Variants in GORASP2 observed in about 807,000 individuals in gnomAD.
The protein encoded by GORASP2 is Golgi reassembly-stacking protein 2.
A neutral mutation model predicts 45.7 loss-of-function variants in GORASP2; 22 were observed. The observed-to-expected ratio is 0.48, with a 90% confidence interval of 0.34 to 0.69. The LOEUF is 0.69. Ranked by LOEUF, GORASP2 falls within the 30% of genes least tolerant of loss-of-function variation. The probability of loss-of-function intolerance (pLI) is 0.01; values close to 1 mark genes in which losing one functional copy is unlikely to be tolerated. For synonymous variants in GORASP2, 221 were observed against 215.6 expected, an observed-to-expected ratio of 1.02 and a Z score of -0.22; for missense variants, 491 against 562.7, an observed-to-expected ratio of 0.87 and a Z score of 1.29.
At chr2:170,948,185 G>A (rs1559311284) in intron 1 of GORASP2, among the ~76,000 whole-genome samples, 165 bp from the exon 2 acceptor site, 1 of 152,130 alleles carries the variant, frequency 6.6e-6, no homozygotes, top group Admixed American at 6.5e-5. Context: ...AGTTTAGGGA[G>A]CTGGACGGGC....
intron 1 of GORASP2, chr2:170,929,813 C>A: frequency 2.1e-6 from 1 of 471,472 alleles, no homozygotes; most frequent in Middle Eastern, 3.4e-4. Flanking sequence ...TTGCGCTTTC[C>A]TAGGAGAGGG....
chr2:170,930,498 A>G (rs1458076964), intron 1 of GORASP2, among the ~76,000 whole-genome samples: 1 of 152,182 alleles, frequency 6.6e-6, no homozygotes, highest in East Asian at 1.9e-4. Context: ...CCTGGGTCCC[A>G]TGTTTTAGGT....
At chr2:170,963,501 C>A (rs959677047) in intron 9 of GORASP2, among the ~76,000 whole-genome samples, 1 of 133,056 alleles carries the variant, frequency 7.5e-6, no homozygotes, top group Non-Finnish European at 1.6e-5. Flanking sequence ...CCCCCTCCCC[C>A]GCCCCAGAGT....
intron 1 of GORASP2, among the ~76,000 whole-genome samples, chr2:170,930,227 A>G (rs1703786142): frequency 1.3e-5 from 2 of 152,152 alleles, no homozygotes; most frequent in South Asian, 4.1e-4. Flanking sequence ...CTAAGCCCCT[A>G]CCTATGAACG....
rs1704270682 is a variant in GORASP2 at position 170,950,290 on chromosome 2, G to T, written c.435G>T (p.Glu145Asp). ...YIIGADTVMNESEDLFSLIET... is the reference protein window; with the variant it reads ...YIIGADTVMNDSEDLFSLIET... ...TTGGAGCAGATACAGTCATGAATGA[G>T]GTAATTCGTGTGTTTATTCATAGTG... The change falls in exon 4 of 10, where the codon GAG becomes GAT. Residue 145 changes from glutamate to aspartate, a missense_variant and splice_region_variant. This residue lies in a region of GORASP2 where 194 missense variants were observed against 270.4 expected (regional missense o/e 0.72). Coordinates refer to ENST00000234160, the MANE Select transcript of GORASP2 (RefSeq NM_015530.5). 6.9e-7 allele frequency: 1 copy of T among 1,452,326 alleles called. No individual in the cohort carries two copies. Among genetic ancestry groups the T allele is most frequent in the Non-Finnish European group, 9.5e-7 (1 of 1,053,976 alleles). 90.0% of individuals were successfully genotyped at this position (1,452,326 alleles called of 1,614,324 possible). A position where few individuals can be genotyped will look rare whatever the true frequency, so the allele number is the denominator to read the frequency against.
chr2:170,955,423 TAAGGA>T (rs1704402119), intron 6 of GORASP2, among the ~76,000 whole-genome samples: 1 of 152,188 alleles, frequency 6.6e-6, no homozygotes, highest in Admixed American at 6.5e-5. Context: ...TAAGACTTTT[TAAGGA>T]ATAAGAGATA....
intron 1 of GORASP2, among the ~76,000 whole-genome samples, chr2:170,935,114 A>G (rs142750812): frequency 1.2e-4 from 18 of 152,346 alleles, no homozygotes; most frequent in African/African-American, 4.3e-4. Flanking sequence ...AAATGTAGGA[A>G]TCAGGATGTC....
chr2:170,958,963 C>T (rs897706930), intron 7 of GORASP2, among the ~76,000 whole-genome samples: 10 of 151,864 alleles, frequency 6.6e-5, no homozygotes, highest in African/African-American at 2.2e-4. Context: ...AGCCACTGTG[C>T]CCGGCCCTTT....
chr2:170,937,612 G>A (rs769179082), intron 1 of GORASP2, among the ~76,000 whole-genome samples: 7 of 152,092 alleles, frequency 4.6e-5, no homozygotes, highest in African/African-American at 1.2e-4. Context: ...AAGAGTAGCC[G>A]TGGCAAAATA....
intron 1 of GORASP2, among the ~76,000 whole-genome samples, chr2:170,940,404 A>G (rs1297808428): frequency 6.6e-6 from 1 of 152,166 alleles, no homozygotes; most frequent in South Asian, 2.1e-4. Flanking sequence ...TTACTCTGCC[A>G]TTCCTCCCTC....
chr2:170,955,216 G>T (rs745508162), intron 6 of GORASP2, among the ~76,000 whole-genome samples: 12 of 152,164 alleles, frequency 7.9e-5, no homozygotes, highest in Non-Finnish European at 1.3e-4. Context: ...GGTGAAAGGA[G>T]TGAAAAAAAC....
chr2:170,954,781 A>C lies in GORASP2; in HGVS notation c.698A>C (p.Glu233Ala), dbSNP rs1001909175. 6.2e-7 allele frequency: 1 copy of C among 1,608,392 alleles called. No homozygotes were observed. The highest frequency in any genetic ancestry group is 1.3e-5 in the African/African-American group (1 of 74,824). ...PITPLKDGFT[E>A]VQLSSVNPPS... ...ACACCTCTTAAAGATGGGTTTACAG[A>C]GGTAAGATCACGTTCCTACCTGAGT... The change falls in exon 6 of 10, where the codon GAG (glutamate) becomes GCG (alanine). Residue 233 changes from glutamate to alanine, a missense_variant and splice_region_variant. Around this residue, in one of 2 missense-constraint regions of GORASP2, gnomAD observed 297 missense variants for 292.3 expected, o/e 1.02. Transcript: ENST00000234160.
chr2:170,933,544 T>C (rs1379206936), intron 1 of GORASP2, among the ~76,000 whole-genome samples: 8 of 152,222 alleles, frequency 5.3e-5, no homozygotes, highest in Non-Finnish European at 1.2e-4. Context: ...TATGTGCAGG[T>C]ACATTTGAGT....
intron 2 of GORASP2, among the ~76,000 whole-genome samples, chr2:170,948,978 C>T (rs1286565509): frequency 6.6e-6 from 1 of 152,140 alleles, no homozygotes; most frequent in Non-Finnish European, 1.5e-5. Flanking sequence ...ACAGTAGCCA[C>T]TTGGTTGGTT....
At chr2:170,930,723 C>T (rs1464295918) in intron 1 of GORASP2, among the ~76,000 whole-genome samples, 1 of 152,016 alleles carries the variant, frequency 6.6e-6, no homozygotes, top group Non-Finnish European at 1.5e-5. Context: ...CTTCTGCTAA[C>T]CAAACACCCA....
chr2:170,936,774 G>A (rs1703969432), intron 1 of GORASP2: 2 of 544,562 alleles, frequency 3.7e-6, no homozygotes, highest in African/African-American at 1.9e-5. Context: ...GCAACATAAT[G>A]AGATCCGGTC....
intron 7 of GORASP2, among the ~76,000 whole-genome samples, chr2:170,959,251 C>G (rs749775940): frequency 1.3e-5 from 2 of 151,574 alleles, no homozygotes; most frequent in Non-Finnish European, 2.9e-5. Flanking sequence ...CATGAGCCAT[C>G]GTGCCCGGCC....
intron 1 of GORASP2, among the ~76,000 whole-genome samples, chr2:170,943,843 T>C (rs975429167): frequency 1.3e-5 from 2 of 152,086 alleles, no homozygotes; most frequent in African/African-American, 4.8e-5. Context: ...TGGCTAATTT[T>C]TTAAAAAATT....
chr2:170,965,907 G>A lies in GORASP2; in HGVS notation c.1136G>A (p.Ser379Asn). 3.1e-6 allele frequency: 5 copies of A among 1,613,510 alleles called. No homozygotes were observed. The South Asian group carries it at 4.4e-5, about 14-fold the overall frequency. Residue 379 changes from serine to asparagine, a missense_variant, in exon 10 of 10, where the codon AGC becomes AAC. Ser to Asn is a conservative substitution (Grantham distance 46, BLOSUM62 1). Around this residue, in one of 2 missense-constraint regions of GORASP2, gnomAD observed 297 missense variants for 292.3 expected, o/e 1.02. Transcript: ENST00000234160. ...GTTCCAGAGAGCTCTTCTGCAGCAA[G>A]CTCAGGAGAGCTGCTGTCTTCCCTC... Reference protein sequence around the residue: ...PLVPESSSAASSGELLSSLPP... With the variant: ...PLVPESSSAANSGELLSSLPP...
Sources: gnomAD v4.1 joint callset for allele counts (sites outside exome capture counted in the v4.1 genomes callset) on GRCh38, gnomAD v4.1.1 for gene constraint, gnomAD v4.1.1 regional missense constraint, MANE v1.5 for transcripts, NCBI Gene and HGNC (gene_info 2026-07-23, HGNC 2026-07-21) for gene names.